MRPS28: variants seen among roughly 807,000 people sequenced by gnomAD.
The protein encoded by MRPS28 is mitochondrial ribosomal protein S28, also known as small ribosomal subunit protein bS1m.
Under a neutral mutation model 10.8 loss-of-function variants are expected in MRPS28, and 7 were observed. The observed-to-expected ratio is 0.65, with a 90% CI of 0.37 to 1.22. The LOEUF (loss-of-function observed/expected upper bound fraction) is 1.22. Among genes scored for constraint, MRPS28 ranks in the 50% most tolerant of loss-of-function variants. The pLI is 0.02. For missense variants in MRPS28, 265 were observed against 232.9 expected, an observed-to-expected ratio of 1.14 and a Z score of -0.90; for synonymous variants, 121 against 93.3, an observed-to-expected ratio of 1.30 and a Z score of -1.71.
intron 1 of MRPS28, among the ~76,000 whole-genome samples, chr8:80,027,143 G>A (rs1183811112): frequency 1.3e-5 from 2 of 152,198 alleles, no homozygotes; most frequent in Non-Finnish European, 2.9e-5. Flanking sequence ...AATTGTGGAA[G>A]CATCTCTGTG....
At chr8:79,986,134 A>G (rs907812554) in intron 2 of MRPS28, among the ~76,000 whole-genome samples, 5 of 152,238 alleles carry the variant, frequency 3.3e-5, no homozygotes, top group African/African-American at 1.2e-4. Context: ...ACTCAAATCA[A>G]TAAATGTAAT....
At chr8:79,992,930 C>A (rs896844778) in intron 2 of MRPS28, among the ~76,000 whole-genome samples, 2 of 152,072 alleles carry the variant, frequency 1.3e-5, no homozygotes, top group African/African-American at 4.8e-5. Context: ...TAACAAAGTA[C>A]CTAGCATAGA....
chr8:80,020,149 TATC>T (rs1809315175), intron 1 of MRPS28, among the ~76,000 whole-genome samples: 1 of 152,156 alleles, frequency 6.6e-6, no homozygotes, highest in Non-Finnish European at 1.5e-5. Context: ...AAAGGGTTAT[TATC>T]AATAGAAAGG....
At chr8:80,003,747 C>T (rs1288339091) in intron 1 of MRPS28, among the ~76,000 whole-genome samples, 1 of 152,186 alleles carries the variant, frequency 6.6e-6, no homozygotes, top group Non-Finnish European at 1.5e-5. Context: ...CCAAGGGAAG[C>T]TGTGACAGAC....
intron 1 of MRPS28, among the ~76,000 whole-genome samples, chr8:80,023,606 C>A (rs1283379977): frequency 6.6e-6 from 1 of 151,864 alleles, no homozygotes; most frequent in East Asian, 1.9e-4. Flanking sequence ...TAAGGTAAAA[C>A]TATAAACTGT....
chr8:79,996,338 C>T (rs1563537529), intron 2 of MRPS28, among the ~76,000 whole-genome samples: 1 of 152,276 alleles, frequency 6.6e-6, no homozygotes, highest in East Asian at 1.9e-4. Flanking sequence ...TAGTTATTAG[C>T]TTATTGGGGG....
chr8:79,926,422 G>A (rs1349999343), intron 2 of MRPS28, among the ~76,000 whole-genome samples: 1 of 152,186 alleles, frequency 6.6e-6, no homozygotes, highest in East Asian at 1.9e-4. Context: ...CACCTTGCAA[G>A]TCTGACAAGA....
At chr8:79,943,234 C>CT (rs1314769184) in intron 2 of MRPS28, among the ~76,000 whole-genome samples, 1 of 152,184 alleles carries the variant, frequency 6.6e-6, no homozygotes, top group Non-Finnish European at 1.5e-5. Context: ...ATCTTTAGTA[C>CT]TGGCAATGAC....
In MRPS28 at chr8:80,029,862, C is replaced by G. The variant is rs747631451; in HGVS notation, c.213+174G>C. 4 of 1,535,534 alleles carry G rather than the reference C, an allele frequency of 2.6e-6. No individual in the cohort carries two copies. In the African/African-American group the frequency reaches 5.5e-5, roughly 21 times the overall value. The stretch of plus-strand genomic sequence containing the variant: ...AAGGACAACGAAAGGAAGAAAAACA[C>G]CAAGCACAGATTCTAGGGGCCGAGG... On this transcript the variant is annotated intron_variant, in intron 1 of 2. Coordinates refer to ENST00000276585, the MANE Select transcript of MRPS28 (RefSeq NM_014018.3).
chr8:79,949,586 C>G (rs1444407441), intron 2 of MRPS28, among the ~76,000 whole-genome samples: 1 of 152,112 alleles, frequency 6.6e-6, no homozygotes, highest in Non-Finnish European at 1.5e-5. Flanking sequence ...TGCATTCTAC[C>G]TTTCCAGATA....
intron 2 of MRPS28, among the ~76,000 whole-genome samples, chr8:79,955,514 A>G (rs1031946988): frequency 6.6e-6 from 1 of 152,084 alleles, no homozygotes; most frequent in Non-Finnish European, 1.5e-5. Flanking sequence ...TCAGCTTCCA[A>G]TAACATTAAA....
intron 2 of MRPS28, 88 bp downstream of exon 2, chr8:80,002,911 C>A: frequency 1.8e-6 from 2 of 1,142,402 alleles, no homozygotes; most frequent in South Asian, 4.0e-5. Context: ...TCTGTCTTTT[C>A]AAAAAATCAC....
At chr8:79,971,466 A>G (rs1424705072) in intron 2 of MRPS28, among the ~76,000 whole-genome samples, 1 of 152,144 alleles carries the variant, frequency 6.6e-6, no homozygotes, top group Non-Finnish European at 1.5e-5. Context: ...ATCACCCCCA[A>G]AAGAAACTCC....
intron 2 of MRPS28, among the ~76,000 whole-genome samples, chr8:79,985,755 A>T (rs1808139239): frequency 6.6e-6 from 1 of 152,184 alleles, no homozygotes; most frequent in Non-Finnish European, 1.5e-5. Flanking sequence ...ATAGACCAAT[A>T]ACAGGCTCTG....
chr8:79,942,126 T>C (rs1248624018), intron 2 of MRPS28, among the ~76,000 whole-genome samples: 1 of 152,090 alleles, frequency 6.6e-6, no homozygotes, highest in African/African-American at 2.4e-5. Context: ...CTGAACACAA[T>C]AAACTTAAAA....
chr8:80,020,286 T>C (rs980854576), intron 1 of MRPS28, among the ~76,000 whole-genome samples: 9 of 152,282 alleles, frequency 5.9e-5, no homozygotes, highest in Middle Eastern at 6.8e-3. Flanking sequence ...AAGAGTCATT[T>C]CTATCACTAA....
intron 1 of MRPS28, among the ~76,000 whole-genome samples, chr8:80,012,145 T>C (rs867046832): frequency 6.6e-6 from 1 of 152,226 alleles, no homozygotes; most frequent in Non-Finnish European, 1.5e-5. Flanking sequence ...GCCTCTATTA[T>C]ATTTTGCAAG....
At chr8:79,994,080 A>G (rs771217125) in intron 2 of MRPS28, among the ~76,000 whole-genome samples, 17 of 152,236 alleles carry the variant, frequency 1.1e-4, no homozygotes, top group Non-Finnish European at 2.5e-4. Flanking sequence ...GCTTTAAAAG[A>G]CACAATCCTC....
At chr8:79,945,568 G>C (rs938081259) in intron 2 of MRPS28, among the ~76,000 whole-genome samples, 1 of 152,150 alleles carries the variant, frequency 6.6e-6, no homozygotes, top group Non-Finnish European at 1.5e-5. Flanking sequence ...CTGGACAGTG[G>C]TGATGGTTGC....
Sources: allele counts gnomAD v4.1 joint callset (sites outside exome capture counted in the v4.1 genomes callset), GRCh38; gene constraint gnomAD v4.1.1; transcripts MANE v1.5; gene names NCBI Gene and HGNC (gene_info 2026-07-23, HGNC 2026-07-21).